The following CD99 variants were observed in gnomAD, a reference collection of about 807,000 sequenced individuals.
CD99 encodes CD99 antigen.
In CD99, 19 loss-of-function variants were observed where a neutral mutation model predicts 28.4. That is an observed-to-expected ratio of 0.67 (90% CI 0.47 to 0.98). The LOEUF (loss-of-function observed/expected upper bound fraction) is 0.98, where lower values mean the gene tolerates loss of function less well. Among genes scored for constraint, CD99 ranks in the 50% least tolerant of loss-of-function variants. The pLI, the probability that CD99 is intolerant of heterozygous loss-of-function variation, is 0.00. For synonymous variants in CD99, 103 were observed against 92.1 expected, an observed-to-expected ratio of 1.12 and a Z score of -0.67; for missense variants, 283 against 248.8, an observed-to-expected ratio of 1.14 and a Z score of -0.92.
At chrX:2,693,523 T>C (rs1033664701) in intron 1 of CD99, among the ~76,000 whole-genome samples, 5 of 152,146 alleles carry the variant, frequency 3.3e-5, no homozygotes, top group African/African-American at 1.2e-4. Flanking sequence ...CCCAATAATA[T>C]TAATACACGT....
At chrX:2,731,848 G>A (rs1156331193) in intron 8 of CD99, among the ~76,000 whole-genome samples, 8 of 152,004 alleles carry the variant, frequency 5.3e-5, no homozygotes, top group Non-Finnish European at 8.8e-5. Context: ...TGGGGTTCAC[G>A]GATTAGAAAC....
At chrX:2,693,835 G>C (rs981868824) in intron 1 of CD99, among the ~76,000 whole-genome samples, 3 of 152,186 alleles carry the variant, frequency 2.0e-5, no homozygotes, top group African/African-American at 7.2e-5. Context: ...GCCCCGAGGA[G>C]ACACTTTGTG....
At chrX:2,731,646 C>T (rs996330126) in intron 8 of CD99, among the ~76,000 whole-genome samples, 28 of 152,180 alleles carry the variant, frequency 1.8e-4, no homozygotes, top group African/African-American at 5.1e-4. Flanking sequence ...GTTATTCTAC[C>T]AGACAGGCTC....
At chrX:2,696,450 G>GAGTGCGAT (rs1294502980) in intron 1 of CD99, among the ~76,000 whole-genome samples, 1 of 152,094 alleles carries the variant, frequency 6.6e-6, no homozygotes, top group African/African-American at 2.4e-5. Context: ...CCCCAGGCTG[G>GAGTGCGAT]AGTGCGATGG....
chrX:2,724,513 C>T (rs554156689), intron 7 of CD99, among the ~76,000 whole-genome samples: 14 of 152,168 alleles, frequency 9.2e-5, no homozygotes, highest in Admixed American at 1.3e-4. Flanking sequence ...TCATGCCTGT[C>T]ATCCCAGAAC....
Position 2,710,892 on chromosome X carries a change from A to G in CD99, c.68-3530A>G, listed in dbSNP as rs968171633. On this transcript the variant is annotated intron_variant, in intron 1 of 9. Coordinates refer to ENST00000381192, the MANE Select transcript of CD99 (RefSeq NM_002414.5). ...CTTTTTTTTTTTTTTTTTTTTTGAG[A>G]TGGAGTCTCCCTCTGTCACCCAGGC... Among the ~76,000 whole-genome samples the G allele has an allele frequency of 3.0e-5, 3 of 100,572 alleles. No individual in the cohort carries two copies. The Admixed American group carries it at 3.8e-4, about 13-fold the overall frequency. The allele number at this position is 100,572 out of a possible 152,430, so 66.0% of individuals were successfully genotyped here.
chrX:2,720,032 T>C (rs1161390625), intron 4 of CD99, among the ~76,000 whole-genome samples: 1 of 152,202 alleles, frequency 6.6e-6, no homozygotes, highest in African/African-American at 2.4e-5. Flanking sequence ...ATGGGAACCA[T>C]ACTGGTTTAC....
At chrX:2,718,616 G>A (rs1275131555) in intron 3 of CD99, among the ~76,000 whole-genome samples, 4 of 151,616 alleles carry the variant, frequency 2.6e-5, no homozygotes, top group South Asian at 2.1e-4. Context: ...TGATCCACGC[G>A]CCTTGGCCTC....
rs1391996070 is a variant in CD99, at chrX:2,730,302, A to G, written c.475+3929A>G. Among the ~76,000 whole-genome samples, 6 of 151,662 alleles carry G rather than the reference A, an allele frequency of 4.0e-5. No homozygotes were observed. The East Asian group carries it at 9.8e-4, about 25-fold the overall frequency. Reference sequence around the variant, plus strand: ...ACTCTCCTGCCTCAGCTTCCCGAGCAGCTGGGACTACAGGCGCGTGCCACC... The same window carrying G: ...ACTCTCCTGCCTCAGCTTCCCGAGCGGCTGGGACTACAGGCGCGTGCCACC... On this transcript the variant is annotated intron_variant, in intron 8 of 9. Coordinates refer to ENST00000381192, the MANE Select transcript of CD99 (RefSeq NM_002414.5).
chrX:2,700,698 G>A (rs1282178257), intron 1 of CD99, among the ~76,000 whole-genome samples: 3 of 151,130 alleles, frequency 2.0e-5, no homozygotes, highest in Non-Finnish European at 2.9e-5. Context: ...AGTTCATCCA[G>A]CCACTCATCA....
intron 8 of CD99, among the ~76,000 whole-genome samples, chrX:2,729,234 G>A (rs1432252495): frequency 6.6e-6 from 1 of 152,120 alleles, no homozygotes; most frequent in Non-Finnish European, 1.5e-5. Flanking sequence ...AACCCAAATT[G>A]GATTCATGAG....
chrX:2,736,167 G>C (rs531321528), intron 8 of CD99, among the ~76,000 whole-genome samples: 4 of 147,166 alleles, frequency 2.7e-5, no homozygotes, highest in Non-Finnish European at 4.5e-5. Context: ...GCGCCACTGC[G>C]TTCCAGCCTG....
chrX:2,722,244 T>C (rs2049026258), intron 5 of CD99, among the ~76,000 whole-genome samples: 1 of 152,190 alleles, frequency 6.6e-6, no homozygotes, highest in Admixed American at 6.6e-5. Context: ...TTATAAGCCT[T>C]CTTCATTTAT....
At chrX:2,706,675 C>T (rs1212994773) in intron 1 of CD99, among the ~76,000 whole-genome samples, 2 of 151,962 alleles carry the variant, frequency 1.3e-5, no homozygotes, top group African/African-American at 4.8e-5. Context: ...TGGAGATGAA[C>T]GGCATTATTG....
intron 1 of CD99, among the ~76,000 whole-genome samples, chrX:2,707,710 G>T (rs1285061861): frequency 1.3e-5 from 2 of 152,188 alleles, no homozygotes; most frequent in Non-Finnish European, 2.9e-5. Context: ...TGGTCTCTTT[G>T]CAAATTTGCA....
At chrX:2,696,389 T>TA (rs1290625650) in intron 1 of CD99, among the ~76,000 whole-genome samples, 3 of 151,900 alleles carry the variant, frequency 2.0e-5, no homozygotes, top group Non-Finnish European at 4.4e-5. Flanking sequence ...GATTTGCTGA[T>TA]ATTCTTTCTT....
chrX:2,719,295 A>T (rs1196874612), intron 3 of CD99: 1 of 260,322 alleles, frequency 3.8e-6, no homozygotes, highest in Non-Finnish European at 7.3e-6. Flanking sequence ...GGATGATGGG[A>T]TGGGGAGTCA....
At chrX:2,739,808 G>A (rs987088793) in intron 9 of CD99, among the ~76,000 whole-genome samples, 1 of 150,586 alleles carries the variant, frequency 6.6e-6, no homozygotes, top group African/African-American at 2.4e-5. Context: ...AGACGCGGTG[G>A]CTAATGCCTG....
At chrX:2,725,612 T>TTTTTG (rs201849362) in intron 7 of CD99, among the ~76,000 whole-genome samples, 3 of 152,000 alleles carry the variant, frequency 2.0e-5, no homozygotes, top group African/African-American at 4.8e-5. Context: ...CTCTCTTTCT[T>TTTTTG]TTTTGTTTTG....
Sources: allele counts gnomAD v4.1 joint callset (sites outside exome capture counted in the v4.1 genomes callset), GRCh38; gene constraint gnomAD v4.1.1; transcripts MANE v1.5; gene names NCBI Gene and HGNC (gene_info 2026-07-23, HGNC 2026-07-21).